Variants in CLMN observed in about 807,000 individuals in gnomAD.
CLMN encodes the protein calmin (calponin-like, transmembrane).
A neutral mutation model predicts 92.7 loss-of-function variants in CLMN; 57 were observed. That is an observed-to-expected ratio of 0.61 (90% CI 0.50 to 0.77). The LOEUF is 0.77. CLMN is among the 30% of genes least tolerant of loss of function. The pLI, the probability that CLMN is intolerant of heterozygous loss-of-function variation, is 0.00. For synonymous variants in CLMN, 466 were observed against 470.6 expected, an observed-to-expected ratio of 0.99 and a Z score of 0.13; for missense variants, 1,158 against 1,237.5, an observed-to-expected ratio of 0.94 and a Z score of 0.96.
intron 1 of CLMN, among the ~76,000 whole-genome samples, chr14:95,280,725 A>G (rs1900114343): frequency 6.6e-6 from 1 of 152,220 alleles, no homozygotes; most frequent in African/African-American, 2.4e-5. Context: ...GTCAAGTATG[A>G]AATGGTGTTT....
chr14:95,285,356 C>T (rs1036550996), intron 1 of CLMN, among the ~76,000 whole-genome samples: 1 of 152,176 alleles, frequency 6.6e-6, no homozygotes, highest in Admixed American at 6.5e-5. Context: ...CCATCCCCAA[C>T]TAGTACCTGG....
At chr14:95,311,369 C>T (rs563951043) in intron 1 of CLMN, among the ~76,000 whole-genome samples, 65 of 152,254 alleles carry the variant, frequency 4.3e-4, no homozygotes, top group African/African-American at 1.4e-3. Context: ...GAGAGGAAAG[C>T]AGGGGTGGGG....
intron 2 of CLMN, among the ~76,000 whole-genome samples, chr14:95,224,312 G>A (rs903224400): frequency 2.6e-5 from 4 of 151,982 alleles, no homozygotes; most frequent in East Asian, 1.9e-4. Flanking sequence ...CAAGAGTCAC[G>A]CTCTGTCGCC....
chr14:95,226,054 A>C (rs1007465887), intron 2 of CLMN, among the ~76,000 whole-genome samples: 1 of 152,160 alleles, frequency 6.6e-6, no homozygotes, highest in Admixed American at 6.5e-5. Flanking sequence ...GGGATGGTGG[A>C]GGCAGCTGAT....
intron 1 of CLMN, among the ~76,000 whole-genome samples, chr14:95,316,707 C>T (rs1901789122): frequency 6.6e-6 from 1 of 152,200 alleles, no homozygotes; most frequent in African/African-American, 2.4e-5. Flanking sequence ...TGGAAAGATA[C>T]AAAGATATAG....
chr14:95,277,839 C>T (rs1401564195), intron 1 of CLMN, among the ~76,000 whole-genome samples: 1 of 152,204 alleles, frequency 6.6e-6, no homozygotes, highest in Non-Finnish European at 1.5e-5. Flanking sequence ...ATTGGTCAGG[C>T]TGGTCTCGAA....
At chr14:95,313,249 C>G (rs1049211796) in intron 1 of CLMN, among the ~76,000 whole-genome samples, 2 of 152,190 alleles carry the variant, frequency 1.3e-5, no homozygotes, top group Non-Finnish European at 2.9e-5. Context: ...ACACACACCA[C>G]TTTTCTTTTG....
chr14:95,221,827 C>T, intron 3 of CLMN, 53 bp from the exon 4 acceptor site: 4 of 1,532,552 alleles, frequency 2.6e-6, no homozygotes, highest in Admixed American at 1.8e-5. Context: ...CAGGCACTTC[C>T]CAACACCCAG....
rs768119370 is a variant in CLMN, at chr14:95,193,862, G to C, written c.2827C>G (p.Arg943Gly). The C allele has an allele frequency of 6.2e-7, 1 of 1,613,842 alleles. No individual in the cohort carries two copies. Among genetic ancestry groups the C allele is most frequent in the Non-Finnish European group, 8.5e-7 (1 of 1,179,956 alleles). The change falls in exon 12 of 13, where the codon CGA (arginine) becomes GGA (glycine). Residue 943 changes from arginine (R) to glycine (G), a missense_variant. Physicochemically the swap from Arg to Gly is moderately radical, Grantham distance 125 (BLOSUM62 -2). Transcript: ENST00000298912. ...NAADLDDRRN[R>G]ILTRKANSSG... Reference sequence around the variant, plus strand: ...AAAGCCACCAACCTGGTTAATATTCGGTTTCTTCTGTCATCCAGATCTGCT... The same window carrying C: ...AAAGCCACCAACCTGGTTAATATTCCGTTTCTTCTGTCATCCAGATCTGCT...
At chr14:95,197,787 T>C (rs570743912) in intron 9 of CLMN, among the ~76,000 whole-genome samples, 24 of 152,286 alleles carry the variant, frequency 1.6e-4, no homozygotes, top group Non-Finnish European at 2.9e-4. Flanking sequence ...TGGAAGAACC[T>C]GTTCAACAGG....
intron 1 of CLMN, among the ~76,000 whole-genome samples, chr14:95,245,282 AG>A (rs1898501400): frequency 2.7e-5 from 2 of 74,578 alleles, no homozygotes; most frequent in African/African-American, 6.2e-5. Flanking sequence ...ATATATATAT[AG>A]TTTTGTTTTG....
chr14:95,204,096 T>A lies in CLMN; in HGVS notation c.1253A>T (p.Asn418Ile). The change falls in exon 9 of 13, where the codon AAC becomes ATC. Residue 418 changes from asparagine to isoleucine, a missense_variant. Coordinates refer to ENST00000298912, the MANE Select transcript of CLMN (RefSeq NM_024734.4). ...LSSRKENGRS[N>I]SLPIKKTVHF... Reference sequence around the variant, plus strand: ...AACTGTTTTCTTGATCGGCAAAGAGTTGGACCTCCCGTTCTCCTTTCTGGA... The same window carrying A: ...AACTGTTTTCTTGATCGGCAAAGAGATGGACCTCCCGTTCTCCTTTCTGGA... 1 of 1,614,098 alleles carries A rather than the reference T, an allele frequency of 6.2e-7. No homozygotes were observed. The highest frequency in any genetic ancestry group is 1.3e-5 in the African/African-American group (1 of 75,004).
chr14:95,215,042 C>T (rs1197455465), intron 5 of CLMN, among the ~76,000 whole-genome samples: 3 of 152,168 alleles, frequency 2.0e-5, no homozygotes, highest in Admixed American at 6.5e-5. Context: ...CACCATGGCA[C>T]GTGTATACCT....
intron 1 of CLMN, among the ~76,000 whole-genome samples, chr14:95,244,469 G>T (rs1898382084): frequency 6.6e-6 from 1 of 152,176 alleles, no homozygotes. Flanking sequence ...AAACCTGATT[G>T]TGGGTGCCTC....
Position 95,204,471 on chromosome 14 carries a change from A to AC in CLMN, c.886-9_886-8insG. 1 of 1,552,756 alleles carries AC rather than the reference A, an allele frequency of 6.4e-7. No homozygotes were observed. Among genetic ancestry groups the AC allele is most frequent in the African/African-American group, 1.4e-5 (1 of 71,838 alleles). On this transcript the variant is annotated splice_polypyrimidine_tract_variant and intron_variant, in intron 8 of 12. Coordinates refer to ENST00000298912, the MANE Select transcript of CLMN (RefSeq NM_024734.4). ...TGAATCGAAAATATCTTCCTGCAAA[A>AC]AAAAACAAAAACAAACAAACAAAAA...
At chr14:95,264,655 T>C (rs1424344428) in intron 1 of CLMN, among the ~76,000 whole-genome samples, 4 of 152,164 alleles carry the variant, frequency 2.6e-5, no homozygotes, top group Non-Finnish European at 5.9e-5. Flanking sequence ...ATGTTTAGAA[T>C]AAACACAGTG....
intron 9 of CLMN, among the ~76,000 whole-genome samples, chr14:95,198,392 C>T (rs1187627): frequency 0.12 from 17,979 of 151,444 alleles, 1,531 homozygotes; most frequent in East Asian, 0.43. Context: ...AGAGAAATGC[C>T]TCATCCCATC....
At chr14:95,280,007 A>G (rs961229613) in intron 1 of CLMN, among the ~76,000 whole-genome samples, 43 of 151,230 alleles carry the variant, frequency 2.8e-4, no homozygotes, top group African/African-American at 1.0e-3. Flanking sequence ...GGGTTAAAGG[A>G]TTATATTAAG....
intron 1 of CLMN, among the ~76,000 whole-genome samples, chr14:95,306,565 T>C (rs913599480): frequency 3.9e-5 from 6 of 152,096 alleles, no homozygotes; most frequent in Non-Finnish European, 7.4e-5. Flanking sequence ...AGAGACACTT[T>C]ACCTGATGCA....
Sources: allele counts gnomAD v4.1 joint callset (sites outside exome capture counted in the v4.1 genomes callset), GRCh38; gene constraint gnomAD v4.1.1; transcripts MANE v1.5; gene names NCBI Gene and HGNC (gene_info 2026-07-23, HGNC 2026-07-21).